ATP11A: variants seen among roughly 807,000 people sequenced by gnomAD.
ATP11A encodes the protein phospholipid-transporting ATPase IH.
Under a neutral mutation model 154.4 loss-of-function variants are expected in ATP11A, and 81 were observed. The ratio of observed to expected loss-of-function variants is 0.52; its 90% CI spans 0.44 to 0.63. The LOEUF (loss-of-function observed/expected upper bound fraction) is 0.63, where lower values mean the gene tolerates loss of function less well. ATP11A is among the 30% of genes least tolerant of loss of function. ATP11A has a pLI of 0.00. For synonymous variants in ATP11A, 623 were observed against 585.9 expected (o/e 1.06, Z -0.91); for missense variants, 1,316 against 1,474.3 (o/e 0.89, Z 1.76).
rs1885813538 is a variant in ATP11A at position 112,696,429 on chromosome 13, G to GCCT, written c.39+5980_39+5982dup. 6.6e-6 allele frequency among the ~76,000 whole-genome samples: 1 copy of GCCT among 152,056 alleles called. No homozygotes were observed. The highest frequency in any genetic ancestry group is 1.5e-5 in the Non-Finnish European group (1 of 67,996). On this transcript the variant is annotated intron_variant, in intron 1 of 29. Coordinates refer to ENST00000375645, the MANE Select transcript of ATP11A (RefSeq NM_015205.3). The surrounding 1 kb of genome is among the most constrained non-coding windows in gnomAD (Gnocchi z 6.2). ...CAGCAGCCTTTCTGCCTCTGCGCTT[G>GCCT]CCTCCTCCGGTTGGAGCGAGTGACC... is the stretch of plus-strand genomic sequence containing the variant.
At chr13:112,855,202 G>C (rs561123441) in intron 19 of ATP11A, among the ~76,000 whole-genome samples, 9 of 151,496 alleles carry the variant, frequency 5.9e-5, no homozygotes, top group African/African-American at 2.0e-4. Context: ...GGTTTTTTTT[G>C]TTGTTTTTTG....
At chr13:112,809,022 T>C (rs1270544619) in intron 4 of ATP11A, among the ~76,000 whole-genome samples, 2 of 152,232 alleles carry the variant, frequency 1.3e-5, no homozygotes, top group Non-Finnish European at 2.9e-5. Flanking sequence ...GTCTCTCACC[T>C]GCATTGAACT....
At chr13:112,819,140 G>A (rs1362919027) in intron 6 of ATP11A, among the ~76,000 whole-genome samples, 164 bp from the exon 7 acceptor site, 1 of 152,232 alleles carries the variant, frequency 6.6e-6, no homozygotes, top group African/African-American at 2.4e-5. Flanking sequence ...TCTGGCACCT[G>A]ATAGGTGCAG....
intron 6 of ATP11A, among the ~76,000 whole-genome samples, chr13:112,818,235 G>A (rs56380262): frequency 0.04 from 5,860 of 148,078 alleles, 203 homozygotes; most frequent in Non-Finnish European, 0.059. Flanking sequence ...GTGACGGGGC[G>A]GTGACCGTTG....
chr13:112,721,287 T>C (rs572977607), intron 1 of ATP11A, among the ~76,000 whole-genome samples: 2 of 152,314 alleles, frequency 1.3e-5, no homozygotes, highest in African/African-American at 4.8e-5. Context: ...AGGGTCCATC[T>C]TAGTCAAGAA....
chr13:112,707,614 A>C (rs1297145611), intron 1 of ATP11A, among the ~76,000 whole-genome samples: 1 of 152,126 alleles, frequency 6.6e-6, no homozygotes, highest in East Asian at 1.9e-4. Flanking sequence ...ATTTGACGCA[A>C]ATTAAAAAGG....
intron 1 of ATP11A, among the ~76,000 whole-genome samples, chr13:112,751,341 G>A (rs1053841637): frequency 2.0e-5 from 3 of 152,066 alleles, no homozygotes; most frequent in African/African-American, 7.2e-5. Flanking sequence ...CTCTTGATTT[G>A]TGAGAGCTCT....
chr13:112,858,482 A>G (rs1380486094), intron 22 of ATP11A, 192 bp downstream of exon 22: 1 of 575,414 alleles, frequency 1.7e-6, no homozygotes, highest in Non-Finnish European at 2.8e-6. Context: ...TACAGTTTCC[A>G]TTACCTACAG....
chr13:112,736,969 T>C (rs1891060262), intron 1 of ATP11A, among the ~76,000 whole-genome samples: 1 of 152,028 alleles, frequency 6.6e-6, no homozygotes, highest in Non-Finnish European at 1.5e-5. Flanking sequence ...GGTGGGAGCA[T>C]TCAAAACCAT....
At chr13:112,842,480 A>C (rs2079451001) in intron 17 of ATP11A, 101 bp downstream of exon 17, 1 of 912,074 alleles carries the variant, frequency 1.1e-6, no homozygotes, top group Admixed American at 2.1e-5. Context: ...GGCGTATTGT[A>C]TTCCTTGGGG....
intron 1 of ATP11A, among the ~76,000 whole-genome samples, chr13:112,770,094 C>G (rs1017064723): frequency 7.9e-5 from 12 of 152,356 alleles, no homozygotes; most frequent in Admixed American, 7.8e-4. Flanking sequence ...CTCTTTTCCT[C>G]TGTGTCTCGA....
intron 15 of ATP11A, among the ~76,000 whole-genome samples, chr13:112,835,123 C>T (rs185655311): frequency 2.6e-5 from 4 of 151,984 alleles, no homozygotes; most frequent in Admixed American, 1.3e-4. Context: ...TGCACAGTTA[C>T]GCTTTTCAGT....
chr13:112,741,002 C>T (rs1397668952), intron 1 of ATP11A, among the ~76,000 whole-genome samples: 1 of 152,252 alleles, frequency 6.6e-6, no homozygotes, highest in Non-Finnish European at 1.5e-5. Context: ...GAGAACCAAA[C>T]AAGCAAGGCA....
intron 1 of ATP11A, among the ~76,000 whole-genome samples, chr13:112,782,954 A>C (rs2077536054): frequency 6.6e-6 from 1 of 152,248 alleles, no homozygotes; most frequent in African/African-American, 2.4e-5. Context: ...ACTGGTTGAT[A>C]GTCTCAGCCA....
intron 2 of ATP11A, among the ~76,000 whole-genome samples, chr13:112,803,588 G>A (rs563959041): frequency 2.6e-5 from 4 of 152,204 alleles, no homozygotes; most frequent in African/African-American, 7.2e-5. Context: ...CATCTGGGAC[G>A]TTGTTGTTTT....
intron 1 of ATP11A, among the ~76,000 whole-genome samples, chr13:112,763,552 C>T (rs1366641088): frequency 6.6e-6 from 1 of 152,172 alleles, no homozygotes; most frequent in Non-Finnish European, 1.5e-5. Flanking sequence ...GTAGAGAATC[C>T]ACTTCCCTTT....
intron 2 of ATP11A, among the ~76,000 whole-genome samples, chr13:112,803,677 C>G (rs1233951774): frequency 6.8e-6 from 1 of 148,006 alleles, no homozygotes; most frequent in African/African-American, 2.5e-5. Flanking sequence ...GCTGGGCATT[C>G]TCCCTCCTTC....
Position 112,691,483 on chromosome 13 carries a change from GGTGT to G in ATP11A, c.39+1049_39+1052del, listed in dbSNP as rs58956060. Reference sequence around the variant, plus strand: ...TGTATCAAAAAAAAAAAAAAAAAAGGGTGTGTGTGTGTGTGTGTGTGTGTAGGAG... The same window carrying G: ...TGTATCAAAAAAAAAAAAAAAAAAGGGTGTGTGTGTGTGTGTGTGTAGGAG... On this transcript the variant is annotated intron_variant, in intron 1 of 29. Coordinates refer to ENST00000375645, the MANE Select transcript of ATP11A (RefSeq NM_015205.3). 3.5e-3 allele frequency among the ~76,000 whole-genome samples: 443 copies of G among 125,128 alleles called. 3 individuals carry two copies. Among genetic ancestry groups the G allele is most frequent in the African/African-American group, 9.6e-3 (319 of 33,342 alleles). 82.1% of individuals were successfully genotyped at this position (125,128 alleles called of 152,430 possible). A position where few individuals can be genotyped will look rare whatever the true frequency, so the allele number is the denominator to read the frequency against.
chr13:112,692,372 T>G (rs1885298243), intron 1 of ATP11A, among the ~76,000 whole-genome samples: 1 of 152,212 alleles, frequency 6.6e-6, no homozygotes, highest in Non-Finnish European at 1.5e-5. Context: ...GCTCACCCTT[T>G]GGAGAATCCC....
Sources: gnomAD v4.1 joint callset for allele counts (sites outside exome capture counted in the v4.1 genomes callset) on GRCh38, gnomAD v4.1.1 for gene constraint, Gnocchi (gnomAD v3.1) non-coding constraint, MANE v1.5 for transcripts, NCBI Gene and HGNC (gene_info 2026-07-23, HGNC 2026-07-21) for gene names.